The following NTM variants were observed in gnomAD, a reference collection of about 807,000 sequenced individuals.
NTM encodes the protein neurotrimin, also known as IgLON family member 2.
In NTM, 13 loss-of-function variants were observed where a neutral mutation model predicts 42.1. That is an observed-to-expected ratio of 0.31 (90% CI 0.20 to 0.49). NTM has a LOEUF of 0.49. NTM is among the 20% of genes least tolerant of loss of function. The pLI is 0.99. For missense variants in NTM, 373 were observed against 452.8 expected (o/e 0.82, Z 1.60); for synonymous variants, 187 against 179.2 (o/e 1.04, Z -0.35).
chr11:131,786,804 G>C (rs116129862), intron 1 of NTM, among the ~76,000 whole-genome samples: 3 of 152,210 alleles, frequency 2.0e-5, no homozygotes, highest in Non-Finnish European at 4.4e-5. Context: ...TTAGAAGCAC[G>C]TCTGAAGAGG....
chr11:132,279,889 C>T lies in NTM; in HGVS notation c.527-27800C>T, dbSNP rs116822354. Among the ~76,000 whole-genome samples the T allele has an allele frequency of 8.2e-3, 1,256 of 152,294 alleles. 21 individuals are homozygous for T. Among genetic ancestry groups the T allele is most frequent in the African/African-American group, 0.029 (1,186 of 41,536 alleles). On this transcript the variant is annotated intron_variant, in intron 4 of 8. Coordinates refer to ENST00000683400, the MANE Select transcript of NTM (RefSeq NM_001352005.2). The stretch of plus-strand genomic sequence containing the variant: ...ATCACAGAACTCTCTGTGGGCTGTC[C>T]ATCTCTTAATGGTGAGGACTGCCTC...
chr11:131,481,838 C>T (rs944601012), intron 1 of NTM, among the ~76,000 whole-genome samples: 2 of 152,196 alleles, frequency 1.3e-5, no homozygotes, highest in African/African-American at 4.8e-5. Context: ...ATTTACTTCT[C>T]TGGGACACAT....
chr11:131,382,005 A>C (rs1489368937), intron 1 of NTM, among the ~76,000 whole-genome samples: 1 of 152,332 alleles, frequency 6.6e-6, no homozygotes, highest in South Asian at 2.1e-4. Flanking sequence ...TCTGGCAGGC[A>C]TTCTTGATGC....
At chr11:131,757,875 A>G (rs370078210) in intron 1 of NTM, among the ~76,000 whole-genome samples, 1 of 152,250 alleles carries the variant, frequency 6.6e-6, no homozygotes, top group Admixed American at 6.5e-5. Flanking sequence ...TAGAATGCAA[A>G]GAACGTTTTA....
At chr11:132,132,257 C>A (rs142934521) in intron 2 of NTM, among the ~76,000 whole-genome samples, 1 of 152,150 alleles carries the variant, frequency 6.6e-6, no homozygotes, top group Non-Finnish European at 1.5e-5. Context: ...CCTCTCCTAA[C>A]GGCTTCCTTT....
chr11:132,209,754 A>T (rs1475878404), intron 3 of NTM, among the ~76,000 whole-genome samples: 1 of 152,190 alleles, frequency 6.6e-6, no homozygotes, highest in African/African-American at 2.4e-5. Context: ...GGCCTTGAAC[A>T]ATTTTAATAG....
At chr11:132,028,686 A>G (rs917169029) in intron 2 of NTM, among the ~76,000 whole-genome samples, 12 of 152,076 alleles carry the variant, frequency 7.9e-5, no homozygotes, top group African/African-American at 2.9e-4. Context: ...CTCAGGTGAG[A>G]CAGGAAGTGT....
At chr11:131,898,771 T>A (rs2052676360) in intron 1 of NTM, among the ~76,000 whole-genome samples, 1 of 152,236 alleles carries the variant, frequency 6.6e-6, no homozygotes, top group Admixed American at 6.5e-5. Flanking sequence ...TGGCCTACCA[T>A]GTTTTTCAAT....
intron 4 of NTM, among the ~76,000 whole-genome samples, chr11:132,289,859 G>A (rs541261811): frequency 3.9e-5 from 6 of 152,266 alleles, no homozygotes; most frequent in East Asian, 1.9e-4. Context: ...CGGACTCTCC[G>A]TCTTACAAGC....
chr11:131,811,630 T>A (rs917554186), intron 1 of NTM, among the ~76,000 whole-genome samples: 6 of 147,748 alleles, frequency 4.1e-5, no homozygotes, highest in African/African-American at 1.1e-4. Flanking sequence ...TATGTCATGA[T>A]GTATATTGTA....
At chr11:131,734,131 G>A (rs1463116927) in intron 1 of NTM, among the ~76,000 whole-genome samples, 1 of 152,146 alleles carries the variant, frequency 6.6e-6, no homozygotes, top group Non-Finnish European at 1.5e-5. Flanking sequence ...GGAGAGACAA[G>A]AGAAGACAGG....
chr11:132,253,363 G>A (rs889775216), intron 4 of NTM, among the ~76,000 whole-genome samples: 21 of 152,138 alleles, frequency 1.4e-4, no homozygotes, highest in Non-Finnish European at 2.8e-4. Flanking sequence ...CAAGGTAAGC[G>A]GCTAAGCCAG....
intron 7 of NTM, among the ~76,000 whole-genome samples, chr11:132,323,528 T>C (rs1292476421): frequency 6.6e-6 from 1 of 151,758 alleles, no homozygotes; most frequent in Non-Finnish European, 1.5e-5. Flanking sequence ...ATTGCGGCAA[T>C]AATCAATAGC....
intron 1 of NTM, among the ~76,000 whole-genome samples, chr11:131,655,688 G>A (rs1237031247): frequency 6.6e-6 from 1 of 152,232 alleles, no homozygotes; most frequent in Non-Finnish European, 1.5e-5. Context: ...GGACAATTGA[G>A]ATCCCCTAGA....
chr11:131,623,926 C>T (rs991577152), intron 1 of NTM, among the ~76,000 whole-genome samples: 1 of 152,206 alleles, frequency 6.6e-6, no homozygotes, highest in Non-Finnish European at 1.5e-5. Flanking sequence ...CTACCCTGGC[C>T]GCTCCGACCT....
At chr11:131,396,669 A>G (rs1176510439) in intron 1 of NTM, among the ~76,000 whole-genome samples, 1 of 152,094 alleles carries the variant, frequency 6.6e-6, no homozygotes, top group Non-Finnish European at 1.5e-5. Flanking sequence ...CCCTGTCTCC[A>G]CTAAAAACAC....
At chr11:132,211,014 G>A (rs1439177572) in intron 3 of NTM, among the ~76,000 whole-genome samples, 1 of 152,194 alleles carries the variant, frequency 6.6e-6, no homozygotes, top group Non-Finnish European at 1.5e-5. Context: ...CCCACCAGGT[G>A]TGTAGAATGT....
At chr11:132,079,854 TC>T (rs1333787255) in intron 2 of NTM, among the ~76,000 whole-genome samples, 4 of 152,194 alleles carry the variant, frequency 2.6e-5, no homozygotes, top group Non-Finnish European at 5.9e-5. Flanking sequence ...ACCTTTTTGT[TC>T]ATCTGGAGTT....
intron 1 of NTM, among the ~76,000 whole-genome samples, chr11:131,557,209 C>T (rs898795076): frequency 6.6e-6 from 1 of 151,986 alleles, no homozygotes; most frequent in African/African-American, 2.4e-5. Context: ...AACTAGGTTG[C>T]TATGTATGTC....
Sources: gnomAD v4.1 joint callset for allele counts (sites outside exome capture counted in the v4.1 genomes callset) on GRCh38, gnomAD v4.1.1 for gene constraint, MANE v1.5 for transcripts, NCBI Gene and HGNC (gene_info 2026-07-23, HGNC 2026-07-21) for gene names.